SRBD1: variants seen among roughly 807,000 people sequenced by gnomAD.
SRBD1 encodes the protein S1 RNA binding domain 1.
SRBD1 carries 88 observed loss-of-function variants against 115.3 expected under a neutral mutation model. The observed-to-expected ratio is 0.76, with a 90% confidence interval of 0.64 to 0.91. The LOEUF (loss-of-function observed/expected upper bound fraction) is 0.91. Among genes scored for constraint, SRBD1 ranks in the 40% least tolerant of loss-of-function variants. The pLI is 0.00. For missense variants in SRBD1, 1,385 were observed against 1,177.4 expected (o/e 1.18, Z -2.58); for synonymous variants, 509 against 407.7 (o/e 1.25, Z -2.99).
intron 12 of SRBD1, 56 bp downstream of exon 12, chr2:45,551,069 G>A (rs1271157899): frequency 1.9e-6 from 3 of 1,540,994 alleles, no homozygotes; most frequent in South Asian, 2.5e-5. Context: ...AATGTATGAA[G>A]TGAAACTTAT....
At chr2:45,565,274 A>G (rs1306784355) in intron 9 of SRBD1, among the ~76,000 whole-genome samples, 1 of 152,234 alleles carries the variant, frequency 6.6e-6, no homozygotes, top group East Asian at 1.9e-4. Context: ...GGGGACTGGC[A>G]TAAGGATAGA....
intron 12 of SRBD1, among the ~76,000 whole-genome samples, chr2:45,547,949 G>A (rs137968980): frequency 6.6e-6 from 1 of 152,040 alleles, no homozygotes; most frequent in Non-Finnish European, 1.5e-5. Flanking sequence ...ACTGTTGTGA[G>A]ACTATCCTAT....
At position 45,389,299 on chromosome 2, in the gene SRBD1, T is replaced by G. The variant is rs771911093; in HGVS notation, c.*11A>C. 6.2e-7 allele frequency: 1 copy of G among 1,607,420 alleles called. No homozygotes were observed. Reference sequence around the variant, plus strand: ...AGAAAATAAAATCAGCGTCTGGCCTTCGTGGGATACTCATAACACCCGAAT... The same window carrying G: ...AGAAAATAAAATCAGCGTCTGGCCTGCGTGGGATACTCATAACACCCGAAT... On this transcript the variant is annotated 3_prime_UTR_variant, in exon 21 of 21. Coordinates refer to ENST00000263736, the MANE Select transcript of SRBD1 (RefSeq NM_018079.5).
At chr2:45,556,447 A>ATTT (rs1491091849) in intron 10 of SRBD1, among the ~76,000 whole-genome samples, 15 of 72,134 alleles carry the variant, frequency 2.1e-4, no homozygotes, top group Non-Finnish European at 3.4e-4. Flanking sequence ...ATGCTCTATT[A>ATTT]CTTTTTTTTT....
At chr2:45,455,010 T>A (rs1669109918) in intron 16 of SRBD1, among the ~76,000 whole-genome samples, 1 of 151,746 alleles carries the variant, frequency 6.6e-6, no homozygotes, top group Admixed American at 6.6e-5. Flanking sequence ...AAATTTAGCA[T>A]CTCTTTTCTC....
At chr2:45,449,725 G>A (rs1668935432) in intron 16 of SRBD1, among the ~76,000 whole-genome samples, 1 of 152,182 alleles carries the variant, frequency 6.6e-6, no homozygotes, top group African/African-American at 2.4e-5. Flanking sequence ...GGCATACTGT[G>A]TAGCACTAGC....
At chr2:45,481,918 A>C (rs1300075657) in intron 15 of SRBD1, among the ~76,000 whole-genome samples, 5 of 152,162 alleles carry the variant, frequency 3.3e-5, no homozygotes, top group Admixed American at 6.6e-5. Context: ...GAAAATCCAT[A>C]CAGAGAGAAA....
chr2:45,573,694 C>A (rs1274231086), intron 8 of SRBD1, among the ~76,000 whole-genome samples: 4 of 151,934 alleles, frequency 2.6e-5, no homozygotes, highest in Non-Finnish European at 2.9e-5. Flanking sequence ...CAGTCACAGT[C>A]AATTAAAAAC....
intron 16 of SRBD1, among the ~76,000 whole-genome samples, chr2:45,443,988 C>A (rs945172231): frequency 6.6e-6 from 1 of 152,122 alleles, no homozygotes; most frequent in South Asian, 2.1e-4. Flanking sequence ...TAATCTGGTG[C>A]AGCTGTTTTT....
chr2:45,454,613 T>C (rs1288820860), intron 16 of SRBD1, among the ~76,000 whole-genome samples: 2 of 151,848 alleles, frequency 1.3e-5, no homozygotes, highest in African/African-American at 2.4e-5. Flanking sequence ...TTAGGAATAA[T>C]TATGATTACT....
chr2:45,482,994 A>C (rs1454453866), intron 15 of SRBD1, among the ~76,000 whole-genome samples: 1 of 152,142 alleles, frequency 6.6e-6, no homozygotes, highest in Admixed American at 6.6e-5. Flanking sequence ...AATATTTTCA[A>C]TCCACTGTTG....
intron 12 of SRBD1, 152 bp from the exon 13 acceptor site, chr2:45,547,764 C>T (rs1378016276): frequency 1.0e-5 from 6 of 583,192 alleles, no homozygotes; most frequent in Non-Finnish European, 1.7e-5. Flanking sequence ...TCAGATTCTT[C>T]CTAACCTCTC....
intron 14 of SRBD1, among the ~76,000 whole-genome samples, chr2:45,537,159 AG>A: frequency 6.6e-6 from 1 of 152,232 alleles, no homozygotes. Flanking sequence ...GAGGATAAAG[AG>A]AACATGAATC....
chr2:45,408,422 G>T (rs746855748), intron 19 of SRBD1, among the ~76,000 whole-genome samples: 1 of 152,168 alleles, frequency 6.6e-6, no homozygotes, highest in Non-Finnish European at 1.5e-5. Flanking sequence ...TCAGGAGTTG[G>T]ACTGCAACAG....
chr2:45,421,510 CAAA>C (rs869298079), intron 16 of SRBD1, among the ~76,000 whole-genome samples: 32 of 22,288 alleles, frequency 1.4e-3, no homozygotes, highest in South Asian at 7.4e-3. Flanking sequence ...CCGTCTCAAA[CAAA>C]AAAAAAAAAA....
At chr2:45,467,200 G>C (rs954997629) in intron 16 of SRBD1, among the ~76,000 whole-genome samples, 10 of 152,194 alleles carry the variant, frequency 6.6e-5, no homozygotes, top group Non-Finnish European at 1.5e-4. Flanking sequence ...TTCAGAACTA[G>C]TGATTCTCCG....
intron 14 of SRBD1, among the ~76,000 whole-genome samples, chr2:45,496,675 C>T (rs192853869): frequency 6.6e-6 from 1 of 152,102 alleles, no homozygotes; most frequent in South Asian, 2.1e-4. Context: ...ATTCATGATG[C>T]CATTCCTCAC....
At chr2:45,482,580 C>G (rs960871440) in intron 15 of SRBD1, among the ~76,000 whole-genome samples, 1 of 150,096 alleles carries the variant, frequency 6.7e-6, no homozygotes, top group South Asian at 2.1e-4. Flanking sequence ...ATAAAAACAT[C>G]AAATCATGGA....
At chr2:45,547,634 A>C (rs777591698) in intron 12 of SRBD1, 22 bp from the exon 13 acceptor site, 6 of 1,580,236 alleles carry the variant, frequency 3.8e-6, no homozygotes, top group Admixed American at 1.8e-5. Context: ...GAAAAGAATA[A>C]GCCATTTTAT....
Sources: allele counts gnomAD v4.1 joint callset (sites outside exome capture counted in the v4.1 genomes callset), GRCh38; gene constraint gnomAD v4.1.1; transcripts MANE v1.5; gene names NCBI Gene and HGNC (gene_info 2026-07-23, HGNC 2026-07-21).